The following PTPRO variants were observed in gnomAD, a reference collection of about 807,000 sequenced individuals.
PTPRO encodes receptor-type tyrosine-protein phosphatase O.
A neutral mutation model predicts 145.2 loss-of-function variants in PTPRO; 62 were observed. That is an observed-to-expected ratio of 0.43 (90% confidence interval 0.35 to 0.53). The LOEUF (loss-of-function observed/expected upper bound fraction) is 0.53. Ranked by LOEUF, PTPRO falls within the 20% of genes least tolerant of loss-of-function variation. The probability of loss-of-function intolerance (pLI) is 0.01; values close to 1 mark genes in which losing one functional copy is unlikely to be tolerated. For synonymous variants in PTPRO, 565 were observed against 514.7 expected (o/e 1.10, Z -1.32); for missense variants, 1,345 against 1,482.7 (o/e 0.91, Z 1.53).
chr12:15,565,878 G>A (rs773461506), intron 18 of PTPRO, among the ~76,000 whole-genome samples: 11 of 152,130 alleles, frequency 7.2e-5, no homozygotes, highest in South Asian at 2.1e-4. Flanking sequence ...AGAGTGGATC[G>A]TTAGCAATTT....
chr12:15,336,010 T>G (rs796377310), intron 1 of PTPRO, among the ~76,000 whole-genome samples: 4 of 152,328 alleles, frequency 2.6e-5, no homozygotes, highest in African/African-American at 9.6e-5. Context: ...TAATTTGATA[T>G]CTTTAAGCCT....
chr12:15,384,206 G>A (rs1476225592), intron 1 of PTPRO, among the ~76,000 whole-genome samples: 3 of 152,060 alleles, frequency 2.0e-5, no homozygotes, highest in Non-Finnish European at 4.4e-5. Flanking sequence ...AGTTGGTTGG[G>A]GGCCAGGGAG....
At chr12:15,351,009 A>T (rs1400455464) in intron 1 of PTPRO, among the ~76,000 whole-genome samples, 1 of 152,094 alleles carries the variant, frequency 6.6e-6, no homozygotes, top group Non-Finnish European at 1.5e-5. Context: ...GCCTTGAAAA[A>T]CAAAATGGAA....
At chr12:15,524,173 A>C (rs1942787889) in intron 10 of PTPRO, among the ~76,000 whole-genome samples, 1 of 151,474 alleles carries the variant, frequency 6.6e-6, no homozygotes. Context: ...AAAAAAAAAA[A>C]AAAACTTGTT....
intron 1 of PTPRO, among the ~76,000 whole-genome samples, chr12:15,432,379 G>A (rs758507433): frequency 2.6e-5 from 4 of 152,194 alleles, no homozygotes; most frequent in South Asian, 2.1e-4. Flanking sequence ...TATATATAAC[G>A]CATTTTCTTT....
chr12:15,331,876 C>T (rs1299432517), intron 1 of PTPRO, among the ~76,000 whole-genome samples: 1 of 151,618 alleles, frequency 6.6e-6, no homozygotes, highest in Non-Finnish European at 1.5e-5. Context: ...TATGTTAACA[C>T]GTATTGTATC....
chr12:15,331,877 G>C (rs1463966433), intron 1 of PTPRO, among the ~76,000 whole-genome samples: 1 of 151,418 alleles, frequency 6.6e-6, no homozygotes, highest in Non-Finnish European at 1.5e-5. Context: ...ATGTTAACAC[G>C]TATTGTATCT....
chr12:15,406,175 T>C (rs1438983129), intron 1 of PTPRO, among the ~76,000 whole-genome samples: 1 of 152,210 alleles, frequency 6.6e-6, no homozygotes, highest in Non-Finnish European at 1.5e-5. Context: ...TACTTCACTA[T>C]CTCAGAGGAT....
intron 12 of PTPRO, among the ~76,000 whole-genome samples, chr12:15,529,606 T>C (rs1942915855): frequency 6.6e-6 from 1 of 152,110 alleles, no homozygotes; most frequent in South Asian, 2.1e-4. Context: ...GCTGTGATTG[T>C]AACACTGCAC....
At chr12:15,394,298 G>A (rs528502890) in intron 1 of PTPRO, among the ~76,000 whole-genome samples, 1 of 152,188 alleles carries the variant, frequency 6.6e-6, no homozygotes, top group East Asian at 1.9e-4. Context: ...ATAGCTCTGA[G>A]ATAAAGCAAT....
At chr12:15,581,652 T>C in intron 22 of PTPRO, 27 bp from the exon 23 acceptor site, 1 of 1,612,548 alleles carries the variant, frequency 6.2e-7, no homozygotes, top group South Asian at 1.1e-5. Flanking sequence ...CTGTTTGTTT[T>C]AAAAAATTGT....
chr12:15,432,616 A>G (rs555505048), intron 1 of PTPRO, among the ~76,000 whole-genome samples: 3 of 152,318 alleles, frequency 2.0e-5, no homozygotes, highest in South Asian at 4.1e-4. Flanking sequence ...TTACACCCCC[A>G]CCATCAATGT....
chr12:15,431,882 T>C (rs1398473823), intron 1 of PTPRO, among the ~76,000 whole-genome samples: 8 of 152,244 alleles, frequency 5.3e-5, no homozygotes. Context: ...ATATTCATAC[T>C]GCATATTATA....
chr12:15,430,574 A>T (rs1427318395), intron 1 of PTPRO, among the ~76,000 whole-genome samples: 1 of 152,186 alleles, frequency 6.6e-6, no homozygotes, highest in African/African-American at 2.4e-5. Flanking sequence ...TTATGCATCA[A>T]TATTTGAACC....
At chr12:15,376,886 G>A (rs983709674) in intron 1 of PTPRO, among the ~76,000 whole-genome samples, 1 of 152,114 alleles carries the variant, frequency 6.6e-6, no homozygotes, top group Admixed American at 6.6e-5. Context: ...ATGTTAAGAA[G>A]ACACAAACAT....
At chr12:15,507,657 G>C (rs1942351577) in intron 6 of PTPRO, among the ~76,000 whole-genome samples, 1 of 152,104 alleles carries the variant, frequency 6.6e-6, no homozygotes, top group Non-Finnish European at 1.5e-5. Context: ...CTATAAATAT[G>C]TAATGGGTTC....
intron 1 of PTPRO, among the ~76,000 whole-genome samples, chr12:15,482,023 A>G (rs1565655490): frequency 6.6e-6 from 1 of 152,142 alleles, no homozygotes; most frequent in Non-Finnish European, 1.5e-5. Flanking sequence ...TCCAAAGGAA[A>G]GGAAATCAGT....
intron 19 of PTPRO, among the ~76,000 whole-genome samples, chr12:15,570,612 C>T (rs977410627): frequency 2.0e-5 from 3 of 152,092 alleles, no homozygotes; most frequent in Non-Finnish European, 4.4e-5. Context: ...ATTATAGATG[C>T]TACACCAAAT....
intron 2 of PTPRO, among the ~76,000 whole-genome samples, chr12:15,495,052 G>C (rs184506936): frequency 1.3e-5 from 2 of 152,094 alleles, no homozygotes; most frequent in East Asian, 3.9e-4. Context: ...AGTTTTCAAG[G>C]GTTGGTTGAT....
Sources: gnomAD v4.1 joint callset for allele counts (sites outside exome capture counted in the v4.1 genomes callset) on GRCh38, gnomAD v4.1.1 for gene constraint, MANE v1.5 for transcripts, NCBI Gene and HGNC (gene_info 2026-07-23, HGNC 2026-07-21) for gene names.